Variants in NHS observed in about 807,000 individuals in gnomAD.
NHS encodes actin remodeling regulator NHS.
In NHS, 5 loss-of-function variants were observed where a neutral mutation model predicts 72.5. The ratio of observed to expected loss-of-function variants is 0.07; its 90% CI spans 0.04 to 0.14. The LOEUF (loss-of-function observed/expected upper bound fraction) is 0.14. NHS is among the 10% of genes least tolerant of loss of function. The pLI is 1.00. For missense variants in NHS, 1,072 were observed against 1,355.7 expected, an observed-to-expected ratio of 0.79 and a Z score of 3.29; for synonymous variants, 464 against 547.7, an observed-to-expected ratio of 0.85 and a Z score of 2.13.
At chrX:17,549,609 G>T (rs578188331) in intron 1 of NHS, among the ~76,000 whole-genome samples, 2 of 111,896 alleles carry the variant, frequency 1.8e-5, no homozygotes, top group African/African-American at 6.5e-5. Context: ...CCACAGAAAA[G>T]CTCGTTTCTG....
rs1219009600 is a variant in NHS at position 17,375,401 on chromosome X, C to CGGCGACGGCAGTGGCCGGGGT, written c.-347_-327dup. The CGGCGACGGCAGTGGCCGGGGT allele has an allele frequency of 5.2e-6, 2 of 387,831 alleles. No homozygotes were observed. Among genetic ancestry groups the CGGCGACGGCAGTGGCCGGGGT allele is most frequent in the African/African-American group, 2.6e-5 (1 of 38,577 alleles). The allele number at this position is 387,831 out of a possible 1,213,427, so 32.0% of individuals were successfully genotyped here. A position where few individuals can be genotyped will look rare whatever the true frequency, so the allele number is the denominator to read the frequency against. On this transcript the variant is annotated 5_prime_UTR_variant, in exon 1 of 9. Coordinates refer to ENST00000676302, the MANE Select transcript of NHS (RefSeq NM_001291867.2). ...CACGCACGCCCATTTATATAGGCGG[C>CGGCGACGGCAGTGGCCGGGGT]GGCGACGGCAGTGGCCGGGGTGGCG...
At chrX:17,454,573 T>C (rs1678575823) in intron 1 of NHS, among the ~76,000 whole-genome samples, 1 of 112,414 alleles carries the variant, frequency 8.9e-6, no homozygotes, top group Non-Finnish European at 1.9e-5. Context: ...AAGTTTGGAA[T>C]AAGGAAACCG....
At chrX:17,521,821 G>C (rs1459025689) in intron 1 of NHS, among the ~76,000 whole-genome samples, 1 of 112,171 alleles carries the variant, frequency 8.9e-6, no homozygotes, top group Non-Finnish European at 1.9e-5. Flanking sequence ...ATTTTTATTT[G>C]CAAGTGCTTC....
intron 1 of NHS, among the ~76,000 whole-genome samples, chrX:17,585,738 G>GTAATAATAATAA (rs548692975): frequency 0.011 from 1,086 of 101,227 alleles, 14 homozygotes; most frequent in African/African-American, 0.039. Context: ...AAAAATAATA[G>GTAATAATAATAA]TAATAATAAT....
intron 1 of NHS, among the ~76,000 whole-genome samples, chrX:17,489,478 T>TTTGTTG (rs201911048): frequency 1.3e-4 from 14 of 111,085 alleles, no homozygotes; most frequent in Non-Finnish European, 2.5e-4. Context: ...TTTGTTTTTC[T>TTTGTTG]TTGTTGTTGT....
intron 1 of NHS, among the ~76,000 whole-genome samples, chrX:17,567,746 AAGAG>A (rs1476961058): frequency 1.8e-4 from 20 of 109,085 alleles, no homozygotes; most frequent in Admixed American, 1.6e-3. Context: ...AAGAGAGAGA[AAGAG>A]AGAAGGAGAG....
At chrX:17,477,644 A>G (rs1035689535) in intron 1 of NHS, among the ~76,000 whole-genome samples, 4 of 112,541 alleles carry the variant, frequency 3.6e-5, no homozygotes, top group Non-Finnish European at 7.5e-5. Context: ...TGCAAAGCAC[A>G]TCTTCTAGGA....
chrX:17,734,274 A>C lies in NHS; in HGVS notation c.*1810A>C, dbSNP rs2066507351. ...TTAATTCATGCAAAATGAAGGAGGA[A>C]GCCTGGTCTAAGAAGATACTGTCTT... On this transcript the variant is annotated 3_prime_UTR_variant, in exon 9 of 9. Transcript: ENST00000676302. 1 of 112,464 alleles carries C rather than the reference A, an allele frequency of 8.9e-6. No individual in the cohort carries two copies. The highest frequency in any genetic ancestry group is 1.9e-5 in the Non-Finnish European group (1 of 53,250). The allele number at this position is 112,464 out of a possible 1,213,427, so 9.3% of individuals were successfully genotyped here. A position where few individuals can be genotyped will look rare whatever the true frequency, so the allele number is the denominator to read the frequency against.
At chrX:17,510,185 A>G (rs998668695) in intron 1 of NHS, among the ~76,000 whole-genome samples, 1 of 112,393 alleles carries the variant, frequency 8.9e-6, no homozygotes, top group Non-Finnish European at 1.9e-5. Flanking sequence ...CCACTATCTC[A>G]GATCATATGA....
At chrX:17,595,916 G>A (rs1421458828) in intron 1 of NHS, among the ~76,000 whole-genome samples, 1 of 111,522 alleles carries the variant, frequency 9.0e-6, no homozygotes, top group Non-Finnish European at 1.9e-5. Flanking sequence ...CTTTAATAGC[G>A]GAAAAGTGAA....
At chrX:17,658,153 C>T (rs371899710) in intron 1 of NHS, among the ~76,000 whole-genome samples, 14 of 112,793 alleles carry the variant, frequency 1.2e-4, no homozygotes, top group East Asian at 1.1e-3. Context: ...CTAGGCTCCC[C>T]TCATTATTTA....
At chrX:17,450,655 C>T (rs960514610) in intron 1 of NHS, among the ~76,000 whole-genome samples, 1 of 112,319 alleles carries the variant, frequency 8.9e-6, no homozygotes, top group Non-Finnish European at 1.9e-5. Flanking sequence ...GCAGGTGGAT[C>T]ACCTGAGGTC....
In NHS at chrX:17,733,872, GATAAA is replaced by G. The variant is rs1333026523; in HGVS notation, c.*1414_*1418del. The G allele has an allele frequency of 9.0e-6, 1 of 110,753 alleles. No individual in the cohort carries two copies. Among genetic ancestry groups the G allele is most frequent in the African/African-American group, 3.3e-5 (1 of 30,249 alleles). 9.1% of individuals were successfully genotyped at this position (110,753 alleles called of 1,213,427 possible). ...GAGGAAATGTCAGGGCATGTGCTCT[GATAAA>G]ATAAAGGCAGGGAAACAAGCTGAAT... On this transcript the variant is annotated 3_prime_UTR_variant, in exon 9 of 9. Transcript: ENST00000676302.
At chrX:17,537,922 A>AAACAAAAG (rs2065236714) in intron 1 of NHS, among the ~76,000 whole-genome samples, 1 of 111,679 alleles carries the variant, frequency 9.0e-6, no homozygotes, top group Non-Finnish European at 1.9e-5. Context: ...TCAGAGGGGA[A>AAACAAAAG]AACAAAAGGG....
At chrX:17,438,120 CAT>C (rs1225734960) in intron 1 of NHS, among the ~76,000 whole-genome samples, 1 of 112,210 alleles carries the variant, frequency 8.9e-6, no homozygotes, top group Non-Finnish European at 1.9e-5. Context: ...AACTTTAGTG[CAT>C]ATGTGGATCA....
intron 1 of NHS, among the ~76,000 whole-genome samples, chrX:17,539,172 G>T (rs920767942): frequency 2.7e-5 from 3 of 111,394 alleles, no homozygotes; most frequent in Non-Finnish European, 3.8e-5. Context: ...TGTTCCCTCT[G>T]CCTGGAATGC....
chrX:17,676,785 G>A (rs2066084492), intron 1 of NHS, among the ~76,000 whole-genome samples: 1 of 112,421 alleles, frequency 8.9e-6, no homozygotes, highest in Non-Finnish European at 1.9e-5. Flanking sequence ...GTCATTTTCA[G>A]TACAGGTTGC....
intron 1 of NHS, among the ~76,000 whole-genome samples, chrX:17,445,851 AAAC>A (rs1322946772): frequency 2.8e-5 from 3 of 108,497 alleles, no homozygotes; most frequent in Non-Finnish European, 3.8e-5. Flanking sequence ...AAAAAAAAAA[AAAC>A]AACAACTCAA....
chrX:17,444,567 G>A (rs2064770104), intron 1 of NHS, among the ~76,000 whole-genome samples: 1 of 111,911 alleles, frequency 8.9e-6, no homozygotes, highest in Admixed American at 9.5e-5. Flanking sequence ...CTCCTTAGGT[G>A]ATTCTAATAT....
Sources: allele counts gnomAD v4.1 joint callset (sites outside exome capture counted in the v4.1 genomes callset), GRCh38; gene constraint gnomAD v4.1.1; transcripts MANE v1.5; gene names NCBI Gene and HGNC (gene_info 2026-07-23, HGNC 2026-07-21).